The following LINGO2 variants were observed in gnomAD, a reference collection of about 807,000 sequenced individuals.
The protein encoded by LINGO2 is leucine rich repeat and Ig domain containing 2.
In LINGO2, 14 loss-of-function variants were observed where a neutral mutation model predicts 30.6. That is an observed-to-expected ratio of 0.46 (90% CI 0.30 to 0.72). The LOEUF (loss-of-function observed/expected upper bound fraction) is 0.72. Among genes scored for constraint, LINGO2 ranks in the 30% least tolerant of loss-of-function variants. The pLI is 0.07. For missense variants in LINGO2, 729 were observed against 751.7 expected (o/e 0.97, Z 0.35); for synonymous variants, 317 against 288.5 (o/e 1.10, Z -1.00).
intron 5 of LINGO2, among the ~76,000 whole-genome samples, chr9:27,967,826 A>G (rs1820172184): frequency 6.6e-6 from 1 of 152,168 alleles, no homozygotes; most frequent in Admixed American, 6.6e-5. Flanking sequence ...TCCCATTTGC[A>G]TGCCTACTCT....
At chr9:28,119,906 T>G (rs1457073443) in intron 4 of LINGO2, among the ~76,000 whole-genome samples, 3 of 152,188 alleles carry the variant, frequency 2.0e-5, no homozygotes, top group African/African-American at 7.2e-5. Context: ...AATCCCACTA[T>G]AATTAATTTA....
At chr9:28,480,908 T>A (rs148633778) in intron 1 of LINGO2, among the ~76,000 whole-genome samples, 1 of 152,138 alleles carries the variant, frequency 6.6e-6, no homozygotes, top group Admixed American at 6.6e-5. Flanking sequence ...TCTTGCCCCT[T>A]ACTGCAACAA....
At chr9:28,367,167 T>C (rs1477159943) in intron 3 of LINGO2, among the ~76,000 whole-genome samples, 1 of 152,222 alleles carries the variant, frequency 6.6e-6, no homozygotes, top group African/African-American at 2.4e-5. Context: ...TGATGTTCTA[T>C]ACATTTATTT....
chr9:28,105,776 G>A (rs1025132653), intron 4 of LINGO2, among the ~76,000 whole-genome samples: 14 of 152,084 alleles, frequency 9.2e-5, no homozygotes, highest in African/African-American at 1.4e-4. Flanking sequence ...GAAAGGCCAC[G>A]TGAGGACACA....
intron 5 of LINGO2, among the ~76,000 whole-genome samples, chr9:27,979,536 T>C (rs1199337456): frequency 2.0e-5 from 3 of 151,994 alleles, no homozygotes; most frequent in Non-Finnish European, 2.9e-5. Flanking sequence ...TTTAATAAAA[T>C]AGTTTTTACA....
At chr9:28,387,501 T>C (rs57169717) in intron 2 of LINGO2, among the ~76,000 whole-genome samples, 2,194 of 152,306 alleles carry the variant, frequency 0.014, 52 homozygotes, top group African/African-American at 0.05. Flanking sequence ...CCCTTCCACG[T>C]TGTAGAAGCC....
At chr9:28,733,656 C>CCA in the LINGO2 span, among the ~76,000 whole-genome samples, 20 of 152,226 alleles carry the variant, frequency 1.3e-4, no homozygotes, top group African/African-American at 4.6e-4. Flanking sequence ...GTTAACCAGT[C>CCA]CACCTTTTTC....
At chr9:28,055,160 G>C (rs906378578) in intron 4 of LINGO2, among the ~76,000 whole-genome samples, 1 of 152,094 alleles carries the variant, frequency 6.6e-6, no homozygotes, top group African/African-American at 2.4e-5. Context: ...TTTCCTTGTG[G>C]TTTATCCTTA....
Position 28,617,937 on chromosome 9 carries a change from A to G in LINGO2, c.-365+52263T>C, listed in dbSNP as rs1383018833. Among the ~76,000 whole-genome samples the G allele has an allele frequency of 8.5e-5, 13 of 152,174 alleles. 1 individual carries two copies. In the East Asian group the frequency reaches 2.5e-3, roughly 29 times the overall value. On this transcript the variant is annotated intron_variant, in intron 1 of 5. Coordinates refer to ENST00000379992, the Ensembl canonical transcript of LINGO2. ...ATACATGGTATAAATATACTCATTT[A>G]TGAAGATTTCTCTAGTGATGATGTG...
At chr9:29,101,476 TA>T in the LINGO2 span, among the ~76,000 whole-genome samples, 71 of 152,222 alleles carry the variant, frequency 4.7e-4, no homozygotes, top group East Asian at 0.012. Context: ...GGATAGAAGG[TA>T]GGCCTGTAGG....
chr9:28,350,972 C>G (rs1165124907), intron 3 of LINGO2, among the ~76,000 whole-genome samples: 1 of 151,800 alleles, frequency 6.6e-6, no homozygotes, highest in African/African-American at 2.4e-5. Flanking sequence ...ACACAACATA[C>G]CAGAATCTCT....
At chr9:28,935,082 T>G in the LINGO2 span, among the ~76,000 whole-genome samples, 1 of 151,912 alleles carries the variant, frequency 6.6e-6, no homozygotes, top group Non-Finnish European at 1.5e-5. Context: ...TTAAAAATTG[T>G]TTTTCAAGAT....
chr9:28,047,227 C>A (rs879563886), intron 4 of LINGO2, among the ~76,000 whole-genome samples: 2 of 152,090 alleles, frequency 1.3e-5, no homozygotes, highest in Admixed American at 6.6e-5. Context: ...CATAACAAAT[C>A]TTTGGCTACC....
At chr9:28,161,750 A>G (rs930378543) in intron 4 of LINGO2, among the ~76,000 whole-genome samples, 1 of 152,082 alleles carries the variant, frequency 6.6e-6, no homozygotes, top group Admixed American at 6.6e-5. Flanking sequence ...AGAAGATTCT[A>G]TGAGAACATT....
chr9:28,430,830 C>A (rs1273121446), intron 2 of LINGO2, among the ~76,000 whole-genome samples: 1 of 152,044 alleles, frequency 6.6e-6, no homozygotes, highest in Admixed American at 6.6e-5. Context: ...ACATTGTGGT[C>A]AAGGTGTTGA....
intron 4 of LINGO2, among the ~76,000 whole-genome samples, chr9:28,270,192 T>C (rs993190922): frequency 6.6e-6 from 1 of 152,098 alleles, no homozygotes; most frequent in African/African-American, 2.4e-5. Flanking sequence ...TCTCAATTAT[T>C]GTCGGGAAGC....
chr9:28,178,493 G>A (rs1828809997), intron 4 of LINGO2, among the ~76,000 whole-genome samples: 1 of 152,008 alleles, frequency 6.6e-6, no homozygotes, highest in Non-Finnish European at 1.5e-5. Context: ...GAAGACTTTT[G>A]GTTTTAGAAT....
At chr9:28,544,882 T>G in intron 1 of LINGO2, among the ~76,000 whole-genome samples, 1 of 151,254 alleles carries the variant, frequency 6.6e-6, no homozygotes, top group Non-Finnish European at 1.5e-5. Flanking sequence ...TGGGGGAACT[T>G]AAACGGTCAT....
At chr9:29,091,872 T>C in the LINGO2 span, among the ~76,000 whole-genome samples, 4,269 of 152,158 alleles carry the variant, frequency 0.028, 82 homozygotes, top group Middle Eastern at 0.068. Flanking sequence ...ATAATATTTT[T>C]GTTTTAGATT....
Sources: gnomAD v4.1 joint callset for allele counts (sites outside exome capture counted in the v4.1 genomes callset) on GRCh38, gnomAD v4.1.1 for gene constraint, MANE v1.5 for transcripts, NCBI Gene and HGNC (gene_info 2026-07-23, HGNC 2026-07-21) for gene names.